Variants in CYB561A3 observed in about 807,000 individuals in gnomAD.
CYB561A3 encodes cytochrome b561 family member A3.
Under a neutral mutation model 25.3 loss-of-function variants are expected in CYB561A3, and 16 were observed. The ratio of observed to expected loss-of-function variants is 0.63; its 90% confidence interval spans 0.43 to 0.96. CYB561A3 has a LOEUF of 0.96. Among genes scored for constraint, CYB561A3 ranks in the 40% least tolerant of loss-of-function variants. CYB561A3 has a pLI of 0.00. For missense variants in CYB561A3, 219 were observed against 307.5 expected (o/e 0.71, Z 2.15); for synonymous variants, 131 against 129.9 (o/e 1.01, Z -0.06).
chr11:61,350,928 G>A (rs1438458524), intron 6 of CYB561A3, 63 bp downstream of exon 6: 19 of 1,534,544 alleles, frequency 1.2e-5, no homozygotes, highest in Admixed American at 2.1e-5. Context: ...CCAGCCTTTC[G>A]TGGGAGATCC....
chr11:61,351,274 A>C, intron 5 of CYB561A3, 127 bp from the exon 6 acceptor site: 1 of 947,610 alleles, frequency 1.1e-6, no homozygotes, highest in Non-Finnish European at 1.4e-6. Context: ...CTAGAATTTT[A>C]ACACCCTTTC....
Position 61,349,540 on chromosome 11 carries a change from G to C in CYB561A3, c.*859C>G. The C allele has an allele frequency of 1.4e-6, 1 of 702,986 alleles. No individual in the cohort carries two copies. Among genetic ancestry groups the C allele is most frequent in the Non-Finnish European group, 2.6e-6 (1 of 384,976 alleles). The allele number at this position is 702,986 out of a possible 1,614,324, so 43.5% of individuals were successfully genotyped here. A position where few individuals can be genotyped will look rare whatever the true frequency, so the allele number is the denominator to read the frequency against. On this transcript the variant is annotated 3_prime_UTR_variant, in exon 7 of 7. Transcript: ENST00000294072. ...ACTGGGACATCTGGGGACAGGCTCT[G>C]TTCTTGGGAGAGCAGGTCACCAGGA...
chr11:61,349,759 C>G lies in CYB561A3; in HGVS notation c.*640G>C, dbSNP rs182782568. ...AGAAGCTGCGTGGGCCGCCACTCCC[C>G]CTTTCTGCAATCACCCCATGATGTC... On this transcript the variant is annotated 3_prime_UTR_variant, in exon 7 of 7. Transcript: ENST00000294072. The G allele has an allele frequency of 2.1e-4, 135 of 658,316 alleles. No individual in the cohort carries two copies. The highest frequency in any genetic ancestry group is 1.3e-3 in the Middle Eastern group (4 of 2,964). 40.8% of individuals were successfully genotyped at this position (658,316 alleles called of 1,614,324 possible).
At chr11:61,352,909 G>A (rs1270969524) in intron 5 of CYB561A3, 76 bp downstream of exon 5, 1 of 1,611,204 alleles carries the variant, frequency 6.2e-7, no homozygotes, top group Non-Finnish European at 8.5e-7. Context: ...GGTGAGTCCT[G>A]TGATCACAGG....
Position 61,349,608 on chromosome 11 carries a change from G to C in CYB561A3, c.*791C>G. 1 of 702,994 alleles carries C rather than the reference G, an allele frequency of 1.4e-6. No individual in the cohort carries two copies. The highest frequency in any genetic ancestry group is 2.6e-6 in the Non-Finnish European group (1 of 384,992). The allele number at this position is 702,994 out of a possible 1,614,324, so 43.5% of individuals were successfully genotyped here. ...CGGTGACAGACACGTAAGTCACAGGGAAAGGCCGGGATCCAGGCCTCAGCT... is the reference window on the plus strand; with the variant it reads ...CGGTGACAGACACGTAAGTCACAGGCAAAGGCCGGGATCCAGGCCTCAGCT... On this transcript the variant is annotated 3_prime_UTR_variant, in exon 7 of 7. Transcript: ENST00000294072.
At chr11:61,358,946 A>T (rs923437391) in intron 1 of CYB561A3, 1 of 151,092 alleles carries the variant, frequency 6.6e-6, no homozygotes, top group Non-Finnish European at 1.5e-5. Context: ...AGGTCCAGCC[A>T]GGCTCGGTGG....
rs1317850857 is a variant in CYB561A3 at position 61,349,217 on chromosome 11, C to G, written c.*1182G>C. 1.0e-5 allele frequency: 3 copies of G among 287,092 alleles called. No homozygotes were observed. Among genetic ancestry groups the G allele is most frequent in the Non-Finnish European group, 2.1e-5 (3 of 143,604 alleles). The allele number at this position is 287,092 out of a possible 1,614,324, so 17.8% of individuals were successfully genotyped here. ...CCTCCCCTGAAGAAGAGCAACAGCT[C>G]AAGCTCTAGCATGGCACAGAACGCT... On this transcript the variant is annotated 3_prime_UTR_variant, in exon 7 of 7. Transcript: ENST00000294072.
rs1181626879 is a variant in CYB561A3 at position 61,357,313 on chromosome 11, T to C, written c.-16+420A>G. 2.3e-6 allele frequency: 3 copies of C among 1,329,398 alleles called. No individual in the cohort carries two copies. The South Asian group carries it at 4.0e-5, about 18-fold the overall frequency. 82.4% of individuals were successfully genotyped at this position (1,329,398 alleles called of 1,614,324 possible). A position where few individuals can be genotyped will look rare whatever the true frequency, so the allele number is the denominator to read the frequency against. On this transcript the variant is annotated intron_variant, in intron 2 of 6. Coordinates refer to ENST00000294072, the MANE Select transcript of CYB561A3 (RefSeq NM_153611.6). ...CACTCCACTGCCCACACTCCACACCTTGAACCAGCTGATGCCCCTCAGCTG... is the reference window on the plus strand; with the variant it reads ...CACTCCACTGCCCACACTCCACACCCTGAACCAGCTGATGCCCCTCAGCTG...
Position 61,350,223 on chromosome 11 carries a change from GCAGA to G in CYB561A3, c.*172_*175del. The G allele has an allele frequency of 1.3e-6, 1 of 773,742 alleles. No individual in the cohort carries two copies. Among genetic ancestry groups the G allele is most frequent in the Non-Finnish European group, 2.0e-6 (1 of 490,890 alleles). 47.9% of individuals were successfully genotyped at this position (773,742 alleles called of 1,614,324 possible). ...CACCCAGGCAAAGCCACCAAGGAAA[GCAGA>G]CAGGCAGCAAGCGGCCGGAGAGGGC... On this transcript the variant is annotated 3_prime_UTR_variant, in exon 7 of 7. Transcript: ENST00000294072.
Position 61,353,809 on chromosome 11 carries a change from G to C in CYB561A3, c.368C>G (p.Thr123Ser). ...CTGGCAGGCGAAGAGGAAGACAGTG[G>C]TGATGCCCAGCCAGCTGTGAAGGGA... ...LYSLHSWLGI[T>S]TVFLFACQWF... The change falls in exon 4 of 7, where the codon ACC (threonine) becomes AGC (serine). Residue 123 changes from threonine (T) to serine (S), a missense_variant. Physicochemically the swap from Thr to Ser is moderately conservative, Grantham distance 58 (BLOSUM62 1). Coordinates refer to ENST00000294072, the MANE Select transcript of CYB561A3 (RefSeq NM_153611.6). 1 of 1,614,228 alleles carries C rather than the reference G, an allele frequency of 6.2e-7. No homozygotes were observed. Among genetic ancestry groups the C allele is most frequent in the Non-Finnish European group, 8.5e-7 (1 of 1,180,046 alleles).
chr11:61,354,865 C>CTTTT (rs1225503619), intron 3 of CYB561A3: 8 of 35,310 alleles, frequency 2.3e-4, no homozygotes, highest in African/African-American at 2.9e-4. Flanking sequence ...CCTCTCCTTT[C>CTTTT]TTTTTTTTTT....
rs775329983 is a variant in CYB561A3, at chr11:61,350,979, T to C, written c.705+12A>G. The C allele has an allele frequency of 8.1e-6, 13 of 1,610,548 alleles. No individual in the cohort carries two copies. The South Asian group carries it at 1.2e-4, about 15-fold the overall frequency. ...CCTGTCCCACCCTGGAATGTGGGAC[T>C]GGAACCCATACCTGTCTGTCGGTCA... On this transcript the variant is annotated intron_variant, in intron 6 of 6. Transcript: ENST00000294072.
chr11:61,362,108 G>T, upstream of CYB561A3: 1 of 152,536 alleles, frequency 6.6e-6, no homozygotes, highest in Non-Finnish European at 1.5e-5. Context: ...CCCATCCAGA[G>T]GAGGCGGAAA....
Position 61,350,404 on chromosome 11 carries a change from C to T in CYB561A3, c.724G>A (p.Glu242Lys), listed in dbSNP as rs770139442. Residue 242 changes from glutamate to lysine, a missense_variant, in exon 7 of 7, where the codon GAG (glutamate) becomes AAG (lysine). Transcript: ENST00000294072. ...TDRQPLLHDG[E>K] ...GGGAGCCCCTTCCTGCTGCTTCACT[C>T]CCCATCATGCAGCAGGGGCTGGAAA... 6.2e-6 allele frequency: 10 copies of T among 1,610,828 alleles called. No individual in the cohort carries two copies. Among genetic ancestry groups the T allele is most frequent in the Non-Finnish European group, 8.5e-6 (10 of 1,178,944 alleles).
At chr11:61,354,199 G>A in intron 3 of CYB561A3, 1 of 615,108 alleles carries the variant, frequency 1.6e-6, no homozygotes, top group South Asian at 2.0e-5. Context: ...CAGTTAAAAA[G>A]GGAGGAGTGG....
At chr11:61,357,501 C>T in intron 2 of CYB561A3, 1 of 421,374 alleles carries the variant, frequency 2.4e-6, no homozygotes, top group Non-Finnish European at 4.3e-6. Flanking sequence ...ATGGCAAATG[C>T]TTAAAGCCCT....
intron 1 of CYB561A3, chr11:61,359,881 C>G (rs1450526297): frequency 2.0e-5 from 3 of 152,134 alleles, no homozygotes; most frequent in Admixed American, 6.6e-5. Flanking sequence ...ATTAGCCAGG[C>G]ACGGTGGCAT....
At chr11:61,361,501 A>G (rs1271370345) in intron 1 of CYB561A3, among the ~76,000 whole-genome samples, 1 of 152,192 alleles carries the variant, frequency 6.6e-6, no homozygotes, top group Non-Finnish European at 1.5e-5. Flanking sequence ...GTGCCAGCTA[A>G]CAATGGGTGA....
In CYB561A3 at chr11:61,353,978, G is replaced by A. The variant is rs772871433; in HGVS notation, c.199C>T (p.Arg67Cys). 37 of 1,613,996 alleles carry A rather than the reference G, an allele frequency of 2.3e-5. No individual in the cohort carries two copies. The highest frequency in any genetic ancestry group is 4.4e-5 in the South Asian group (4 of 91,082). ...GGCCCCACCCACGACTGGGGCAGGC[G>A]GTACACCAGTGACGCTGCAGGAGAG... ...VFYGGASLVY[R>C]LPQSWVGPKL... is the part of the protein sequence containing the mutation. Residue 67 changes from arginine to cysteine, a missense_variant, in exon 4 of 7, where the codon CGC becomes TGC. By Grantham distance (180) the Arg-to-Cys change is radical. Coordinates refer to ENST00000294072, the MANE Select transcript of CYB561A3 (RefSeq NM_153611.6).
Sources: gnomAD v4.1 joint callset for allele counts (sites outside exome capture counted in the v4.1 genomes callset) on GRCh38, gnomAD v4.1.1 for gene constraint, MANE v1.5 for transcripts, NCBI Gene and HGNC (gene_info 2026-07-23, HGNC 2026-07-21) for gene names.